The following GNAZ variants were observed in gnomAD, a reference collection of about 807,000 sequenced individuals.
GNAZ encodes the protein guanine nucleotide-binding protein G(z) subunit alpha.
A neutral mutation model predicts 25.4 loss-of-function variants in GNAZ; 3 were observed. The ratio of observed to expected loss-of-function variants is 0.12; its 90% CI spans 0.05 to 0.30. The LOEUF is 0.30. GNAZ is among the 10% of genes least tolerant of loss of function. The probability of loss-of-function intolerance (pLI) is 1.00; values close to 1 mark genes in which losing one functional copy is unlikely to be tolerated. For missense variants in GNAZ, 241 were observed against 501.8 expected (o/e 0.48, Z 4.97); for synonymous variants, 211 against 205.7 (o/e 1.03, Z -0.22).
In GNAZ at chr22:23,112,163, G is replaced by A. The variant is rs550720909; in HGVS notation, c.724-10924G>A. On this transcript the variant is annotated intron_variant, in intron 2 of 2. Transcript: ENST00000615612. ...CCCAAAGGAGGGCTGCCTGACCTCC[G>A]GGCCTCACTTCTCTCCCAGCACCAA... is the stretch of plus-strand genomic sequence containing the variant. Among the ~76,000 whole-genome samples the A allele has an allele frequency of 1.8e-3, 272 of 152,258 alleles. 1 individual carries two copies. The highest frequency in any genetic ancestry group is 4.7e-3 in the African/African-American group (195 of 41,558).
At chr22:23,076,112 T>G (rs976774703) in intron 1 of GNAZ, among the ~76,000 whole-genome samples, 18 of 152,338 alleles carry the variant, frequency 1.2e-4, no homozygotes, top group Admixed American at 9.8e-4. Context: ...GGGCTGGCTC[T>G]TAGGCTGTGG....
intron 2 of GNAZ, among the ~76,000 whole-genome samples, chr22:23,120,384 G>A (rs574303787): frequency 2.6e-5 from 4 of 152,122 alleles, no homozygotes; most frequent in East Asian, 3.9e-4. Flanking sequence ...GTGGTCTATC[G>A]GCCCCTCCCA....
intron 2 of GNAZ, among the ~76,000 whole-genome samples, chr22:23,116,186 G>C (rs1199989190): frequency 6.6e-6 from 1 of 152,262 alleles, no homozygotes; most frequent in Non-Finnish European, 1.5e-5. Context: ...GGGGCACAGG[G>C]CAACAGGCTG....
At chr22:23,081,844 G>T (rs1050570019) in intron 1 of GNAZ, among the ~76,000 whole-genome samples, 25 of 109,468 alleles carry the variant, frequency 2.3e-4, no homozygotes, top group Non-Finnish European at 2.9e-4. Flanking sequence ...AAAAAAAAAA[G>T]GCCAGGCGCA....
intron 1 of GNAZ, among the ~76,000 whole-genome samples, chr22:23,084,773 C>CA (rs1240314622): frequency 1.3e-5 from 2 of 152,220 alleles, no homozygotes; most frequent in African/African-American, 4.8e-5. Flanking sequence ...ATGCCACAGA[C>CA]AGTGTCGTGC....
At chr22:23,116,343 G>C (rs2069835640) in intron 2 of GNAZ, among the ~76,000 whole-genome samples, 1 of 152,256 alleles carries the variant, frequency 6.6e-6, no homozygotes. Flanking sequence ...CTGTCCGCCT[G>C]AGGGGCCCAG....
chr22:23,099,562 G>A (rs777849311), intron 2 of GNAZ, among the ~76,000 whole-genome samples: 1 of 152,242 alleles, frequency 6.6e-6, no homozygotes, highest in Admixed American at 6.5e-5. Context: ...GTCACAGATC[G>A]AGGCACTGAG....
intron 1 of GNAZ, among the ~76,000 whole-genome samples, chr22:23,094,517 G>A (rs2069069347): frequency 6.6e-6 from 1 of 152,208 alleles, no homozygotes; most frequent in Admixed American, 6.5e-5. Context: ...TGGTCTCCCA[G>A]GTGGATTTCC....
At chr22:23,098,751 G>A (rs1055782016) in intron 2 of GNAZ, among the ~76,000 whole-genome samples, 3 of 152,282 alleles carry the variant, frequency 2.0e-5, no homozygotes, top group Non-Finnish European at 4.4e-5. Flanking sequence ...CAAACAGGCT[G>A]CAGAGGAAAG....
chr22:23,123,479 T>C lies in GNAZ; in HGVS notation c.*48T>C, dbSNP rs1332712453. On this transcript the variant is annotated 3_prime_UTR_variant, in exon 3 of 3. Transcript: ENST00000615612. Reference sequence around the variant, plus strand: ...TGCCTATGGTGAAACCCACGGGGTGTCATGCCCCAACGCGTGCTAGAGAGG... The same window carrying C: ...TGCCTATGGTGAAACCCACGGGGTGCCATGCCCCAACGCGTGCTAGAGAGG... 1.5e-6 allele frequency: 2 copies of C among 1,306,436 alleles called. No individual in the cohort carries two copies. The highest frequency in any genetic ancestry group is 2.4e-5 in the East Asian group (1 of 41,548). The allele number at this position is 1,306,436 out of a possible 1,614,324, so 80.9% of individuals were successfully genotyped here.
At position 23,079,562 on chromosome 22, in the gene GNAZ, G is replaced by A. The variant is rs574181906; in HGVS notation, c.-450+8992G>A. 8.5e-5 allele frequency among the ~76,000 whole-genome samples: 13 copies of A among 152,272 alleles called. No individual in the cohort carries two copies. The South Asian group carries it at 1.2e-3, about 15-fold the overall frequency. On this transcript the variant is annotated intron_variant, in intron 1 of 2. Coordinates refer to ENST00000615612, the MANE Select transcript of GNAZ (RefSeq NM_002073.4). ...CGGGGTCTGCCCATGTCAAGCAAGC[G>A]TCGGGAGCAAACATGAGAAGGTTTC...
intron 2 of GNAZ, among the ~76,000 whole-genome samples, chr22:23,110,293 C>T (rs2069608673): frequency 6.6e-6 from 1 of 152,128 alleles, no homozygotes; most frequent in South Asian, 2.1e-4. Flanking sequence ...CTCTCACAGT[C>T]ACTTCTCGGA....
At chr22:23,122,743 G>C (rs1182241378) in intron 2 of GNAZ, 3 of 305,394 alleles carry the variant, frequency 9.8e-6, no homozygotes, top group African/African-American at 2.1e-5. Context: ...AAGATGGGGG[G>C]TCCTCGGAGC....
At chr22:23,098,487 G>T (rs1022180426) in intron 2 of GNAZ, among the ~76,000 whole-genome samples, 2 of 152,212 alleles carry the variant, frequency 1.3e-5, no homozygotes, top group Non-Finnish European at 2.9e-5. Flanking sequence ...GCCATGGGCA[G>T]GGACAGCAGC....
chr22:23,104,944 G>A (rs2069418459), intron 2 of GNAZ, among the ~76,000 whole-genome samples: 1 of 152,250 alleles, frequency 6.6e-6, no homozygotes, highest in African/African-American at 2.4e-5. Flanking sequence ...AGTGAAAGGT[G>A]TTTCTTCTCT....
chr22:23,080,153 G>A (rs996532674), intron 1 of GNAZ, among the ~76,000 whole-genome samples: 1 of 152,234 alleles, frequency 6.6e-6, no homozygotes, highest in African/African-American at 2.4e-5. Flanking sequence ...CTCCTCCATA[G>A]GTGGAACCTT....
intron 2 of GNAZ, among the ~76,000 whole-genome samples, chr22:23,114,028 T>C (rs893075694): frequency 6.6e-6 from 1 of 152,166 alleles, no homozygotes; most frequent in Admixed American, 6.5e-5. Context: ...GTGAGAGGCT[T>C]GGCCGGTACT....
At chr22:23,105,777 G>A (rs1190276815) in intron 2 of GNAZ, among the ~76,000 whole-genome samples, 1 of 152,242 alleles carries the variant, frequency 6.6e-6, no homozygotes, top group Non-Finnish European at 1.5e-5. Flanking sequence ...CTGGTGGGGA[G>A]CAGGGGTGCA....
chr22:23,119,410 T>C (rs1299882238), intron 2 of GNAZ, among the ~76,000 whole-genome samples: 1 of 152,200 alleles, frequency 6.6e-6, no homozygotes, highest in African/African-American at 2.4e-5. Context: ...TTTGTAACCG[T>C]CTGTGGTTCT....
Sources: gnomAD v4.1 joint callset for allele counts (sites outside exome capture counted in the v4.1 genomes callset) on GRCh38, gnomAD v4.1.1 for gene constraint, MANE v1.5 for transcripts, NCBI Gene and HGNC (gene_info 2026-07-23, HGNC 2026-07-21) for gene names.